The following RIN3 variants were observed in gnomAD, a reference collection of about 807,000 sequenced individuals.
RIN3 encodes RAB5 interacting protein 3.
Under a neutral mutation model 76.3 loss-of-function variants are expected in RIN3, and 54 were observed. The observed-to-expected ratio is 0.71, with a 90% CI of 0.57 to 0.89. The LOEUF (loss-of-function observed/expected upper bound fraction) is 0.89. RIN3 is among the 40% of genes least tolerant of loss of function. The pLI is 0.00. For synonymous variants in RIN3, 576 were observed against 564.0 expected (o/e 1.02, Z -0.30); for missense variants, 1,256 against 1,322.1 (o/e 0.95, Z 0.78).
chr14:92,664,021 A>C (rs758359404), intron 7 of RIN3, among the ~76,000 whole-genome samples: 1 of 152,114 alleles, frequency 6.6e-6, no homozygotes, highest in Non-Finnish European at 1.5e-5. Flanking sequence ...AGATGTTAGG[A>C]TACAGGAACA....
intron 3 of RIN3, among the ~76,000 whole-genome samples, chr14:92,596,819 C>T (rs1435343700): frequency 2.0e-5 from 3 of 152,188 alleles, no homozygotes; most frequent in African/African-American, 7.2e-5. Context: ...TCTGACTCTC[C>T]CTCGTAACAA....
intron 3 of RIN3, among the ~76,000 whole-genome samples, chr14:92,598,088 T>C (rs983306068): frequency 6.6e-6 from 1 of 152,124 alleles, no homozygotes; most frequent in Non-Finnish European, 1.5e-5. Flanking sequence ...AAAGCAGAAG[T>C]GACACTATGC....
chr14:92,534,453 ACC>A (rs1896950408), intron 1 of RIN3, among the ~76,000 whole-genome samples: 2 of 151,790 alleles, frequency 1.3e-5, no homozygotes, highest in African/African-American at 4.8e-5. Context: ...GGTGTCAGGC[ACC>A]TGTAATCCCG....
intron 1 of RIN3, among the ~76,000 whole-genome samples, chr14:92,543,884 AG>A (rs1280620987): frequency 6.6e-6 from 1 of 152,014 alleles, no homozygotes; most frequent in East Asian, 1.9e-4. Context: ...ATACTCCAAC[AG>A]GTATCTCTGC....
chr14:92,650,528 G>T (rs1887376898), intron 5 of RIN3, among the ~76,000 whole-genome samples: 1 of 152,230 alleles, frequency 6.6e-6, no homozygotes, highest in Admixed American at 6.5e-5. Context: ...AGCCCTGGGT[G>T]AAAGGCTGGC....
chr14:92,664,327 T>G (rs1164745024), intron 7 of RIN3, among the ~76,000 whole-genome samples: 3 of 151,808 alleles, frequency 2.0e-5, no homozygotes, highest in Non-Finnish European at 4.4e-5. Flanking sequence ...TTGTTAACAT[T>G]CAACCCCCTC....
chr14:92,618,221 C>T (rs1050781057), intron 4 of RIN3, among the ~76,000 whole-genome samples: 17 of 152,152 alleles, frequency 1.1e-4, no homozygotes, highest in African/African-American at 4.1e-4. Flanking sequence ...CAAAACAGAC[C>T]CCTTTTCCAC....
chr14:92,615,617 C>T, intron 4 of RIN3, 138 bp downstream of exon 4: 3 of 729,314 alleles, frequency 4.1e-6, no homozygotes, highest in Non-Finnish European at 7.3e-6. Context: ...AGGGCACAGG[C>T]CCCTCTGGGA....
rs1247832170 is a variant in RIN3, at chr14:92,554,556, T to G, written c.45-1195T>G. Among the ~76,000 whole-genome samples, 12 of 152,272 alleles carry G rather than the reference T, an allele frequency of 7.9e-5. 1 individual carries two copies. The highest frequency in any genetic ancestry group is 1.6e-4 in the Non-Finnish European group (11 of 68,046). On this transcript the variant is annotated intron_variant, in intron 1 of 9. Coordinates refer to ENST00000216487, the MANE Select transcript of RIN3 (RefSeq NM_024832.5). ...CTAATGCAAGCCACATATGTCATTT[T>G]ATATATTCTGGCAGCCATATTAAAA...
intron 8 of RIN3, among the ~76,000 whole-genome samples, chr14:92,680,484 G>A (rs1383858232): frequency 6.6e-6 from 1 of 152,136 alleles, no homozygotes; most frequent in East Asian, 1.9e-4. Flanking sequence ...ACAGGTGTGA[G>A]CCACCATGTC....
At chr14:92,549,793 G>A (rs985449891) in intron 1 of RIN3, among the ~76,000 whole-genome samples, 2 of 152,220 alleles carry the variant, frequency 1.3e-5, no homozygotes, top group Admixed American at 6.5e-5. Context: ...GAAGCCTGTG[G>A]GCCTGCTGCT....
intron 4 of RIN3, 55 bp from the exon 5 acceptor site, chr14:92,641,183 C>A: frequency 7.4e-7 from 1 of 1,353,612 alleles, no homozygotes; most frequent in Non-Finnish European, 1.1e-6. Flanking sequence ...TTTGTGGAGG[C>A]TGGGAATGGA....
At chr14:92,671,266 G>C (rs550926634) in intron 7 of RIN3, among the ~76,000 whole-genome samples, 2 of 152,146 alleles carry the variant, frequency 1.3e-5, no homozygotes, top group Admixed American at 6.5e-5. Flanking sequence ...CAGCTGTGCT[G>C]GAGGATGTGG....
intron 7 of RIN3, among the ~76,000 whole-genome samples, chr14:92,661,587 G>A (rs1051920216): frequency 7.9e-5 from 12 of 152,176 alleles, no homozygotes; most frequent in Non-Finnish European, 1.5e-4. Flanking sequence ...AGCCGAGTGT[G>A]TTGGCGGGCG....
At chr14:92,569,505 G>A (rs1021977792) in intron 2 of RIN3, among the ~76,000 whole-genome samples, 5 of 152,216 alleles carry the variant, frequency 3.3e-5, no homozygotes, top group Admixed American at 1.3e-4. Context: ...GGCTGCTCAG[G>A]GCCGTCTGAG....
rs796926300 is a variant in RIN3 at position 92,647,767 on chromosome 14, T to C, written c.533-3815T>C. Among the ~76,000 whole-genome samples, 33 of 152,210 alleles carry C rather than the reference T, an allele frequency of 2.2e-4. 1 individual carries two copies. Among genetic ancestry groups the C allele is most frequent in the East Asian group, 2.1e-3 (11 of 5,184 alleles). On this transcript the variant is annotated intron_variant, in intron 5 of 9. Transcript: ENST00000216487. Reference sequence around the variant, plus strand: ...AAGCTCCCCAGGGGTAGAGTCTGAGTTTGCCCTCAGGACCTACAGCCCAGC... The same window carrying C: ...AAGCTCCCCAGGGGTAGAGTCTGAGCTTGCCCTCAGGACCTACAGCCCAGC...
chr14:92,615,319 C>T, intron 3 of RIN3, 88 bp from the exon 4 acceptor site: 1 of 1,088,104 alleles, frequency 9.2e-7, no homozygotes, highest in South Asian at 1.3e-5. Context: ...AGCAGACACG[C>T]CCCCCGACCC....
chr14:92,574,560 T>TA (rs35814853), intron 2 of RIN3, among the ~76,000 whole-genome samples: 7 of 152,204 alleles, frequency 4.6e-5, no homozygotes, highest in Non-Finnish European at 1.0e-4. Context: ...TGTTCTTTGT[T>TA]AAAAAAGAAA....
chr14:92,555,793 A>G lies in RIN3; in HGVS notation c.87A>G (p.Glu29=), dbSNP rs1444127101. ...GCAAAGGAGAGGAAGAGGAAGAGGA[A>G]GATGGCATGCGGCTTTGTCTGCCAG... ...VVGKGEEEEE[E]DGMRLCLPAN... The change falls in exon 2 of 10, where the codon GAA becomes GAG. Residue 29 remains glutamate (E), a synonymous_variant. Coordinates refer to ENST00000216487, the MANE Select transcript of RIN3 (RefSeq NM_024832.5). 1 of 1,614,154 alleles carries G rather than the reference A, an allele frequency of 6.2e-7. No individual in the cohort carries two copies. Among genetic ancestry groups the G allele is most frequent in the Admixed American group, 1.7e-5 (1 of 60,028 alleles).
Sources: gnomAD v4.1 joint callset for allele counts (sites outside exome capture counted in the v4.1 genomes callset) on GRCh38, gnomAD v4.1.1 for gene constraint, MANE v1.5 for transcripts, NCBI Gene and HGNC (gene_info 2026-07-23, HGNC 2026-07-21) for gene names.